Variants in TRIP12 observed in about 807,000 individuals in gnomAD.
TRIP12 encodes the protein thyroid hormone receptor interactor 12.
TRIP12 carries 25 observed loss-of-function variants against 244.2 expected under a neutral mutation model. The ratio of observed to expected loss-of-function variants is 0.10; its 90% CI spans 0.07 to 0.14. TRIP12 has a LOEUF of 0.14. Among genes scored for constraint, TRIP12 ranks in the 10% least tolerant of loss-of-function variants. The pLI is 1.00. For synonymous variants in TRIP12, 905 were observed against 873.1 expected (o/e 1.04, Z -0.64); for missense variants, 1,677 against 2,486.4 (o/e 0.67, Z 6.92).
At chr2:229,768,584 G>A in intron 41 of TRIP12, 32 bp downstream of exon 41, 1 of 1,598,666 alleles carries the variant, frequency 6.3e-7, no homozygotes, top group Non-Finnish European at 8.5e-7. Context: ...CCCATAGGTA[G>A]AATAAATGCT....
chr2:229,780,924 G>C (rs1194660497), intron 34 of TRIP12, among the ~76,000 whole-genome samples: 1 of 152,154 alleles, frequency 6.6e-6, no homozygotes, highest in Non-Finnish European at 1.5e-5. Context: ...GAGAAGCAAA[G>C]AAAAACCTGC....
rs374189526 is a variant in TRIP12, at chr2:229,774,082, GAC to G, written c.5694+13_5694+14del. 5.9e-4 allele frequency: 946 copies of G among 1,607,880 alleles called. 10 individuals carry two copies. The African/African-American group carries it at 0.011, about 19-fold the overall frequency. ...CTTCACAACTGGCCTACCCCCCAAA[GAC>G]ACAGTTACATACTCTTAGATACTCC... is the stretch of plus-strand genomic sequence containing the variant. On this transcript the variant is annotated intron_variant, in intron 38 of 41. Coordinates refer to ENST00000675903, the MANE Select transcript of TRIP12 (RefSeq NM_001348323.3).
chr2:229,834,128 A>G (rs2054151038), intron 6 of TRIP12, among the ~76,000 whole-genome samples: 1 of 152,244 alleles, frequency 6.6e-6, no homozygotes. Context: ...GTCTTAGCCT[A>G]TCTTCACAGT....
In TRIP12 at chr2:229,778,280, C is replaced by T. The variant is rs139747939; in HGVS notation, c.5364+153G>A. On this transcript the variant is annotated intron_variant, in intron 36 of 41. Transcript: ENST00000675903. This position sits in a 1 kb window ranked among gnomAD's most constrained non-coding sequence, Gnocchi z 4.1. ...TACCCCTGCCCTACTGAATCAGAAC[C>T]GGCATTTTTAACAAAATCCCCAAGT... is the stretch of plus-strand genomic sequence containing the variant. Among the ~76,000 whole-genome samples, 796 of 152,184 alleles carry T rather than the reference C, an allele frequency of 5.2e-3. 4 individuals carry two copies. The highest frequency in any genetic ancestry group is 0.018 in the African/African-American group (758 of 41,534).
At chr2:229,829,077 T>C in intron 8 of TRIP12, 116 bp downstream of exon 8, 1 of 853,204 alleles carries the variant, frequency 1.2e-6, no homozygotes, top group South Asian at 1.9e-5. Context: ...GCCTTATTTT[T>C]AAAAATGGGT....
At chr2:229,841,622 G>A (rs1196855115) in intron 4 of TRIP12, among the ~76,000 whole-genome samples, 1 of 152,148 alleles carries the variant, frequency 6.6e-6, no homozygotes, top group Admixed American at 6.5e-5. Context: ...AACCCTCACA[G>A]TGTTACCACA....
At chr2:229,868,487 GACACT>G (rs1448952319) in intron 2 of TRIP12, among the ~76,000 whole-genome samples, 1 of 152,148 alleles carries the variant, frequency 6.6e-6, no homozygotes, top group African/African-American at 2.4e-5. Context: ...ACAGGCATGA[GACACT>G]GCGCCCAACC....
intron 20 of TRIP12, 77 bp from the exon 21 acceptor site, chr2:229,802,536 A>T: frequency 3.7e-6 from 4 of 1,087,180 alleles, no homozygotes; most frequent in Non-Finnish European, 5.3e-6. Flanking sequence ...CAAAATCCCT[A>T]AATACCAACA....
chr2:229,763,841 A>G lies in TRIP12; in HGVS notation c.*3713T>C, dbSNP rs759564570. The G allele has an allele frequency of 1.3e-5, 2 of 152,252 alleles. No individual in the cohort carries two copies. Among genetic ancestry groups the G allele is most frequent in the Admixed American group, 1.3e-4 (2 of 15,284 alleles). The allele number at this position is 152,252 out of a possible 1,614,324, so 9.4% of individuals were successfully genotyped here. Reference sequence around the variant, plus strand: ...AATTTAATAAAACTGACCATGTAGGATAATGCTGTTTATTAAAAATATAGT... The same window carrying G: ...AATTTAATAAAACTGACCATGTAGGGTAATGCTGTTTATTAAAAATATAGT... On this transcript the variant is annotated 3_prime_UTR_variant, in exon 42 of 42. Transcript: ENST00000675903.
At position 229,765,262 on chromosome 2, in the gene TRIP12, CTAAGAAGTT is replaced by C. The variant is rs1200403998; in HGVS notation, c.*2283_*2291del. 1.3e-5 allele frequency: 2 copies of C among 152,096 alleles called. No homozygotes were observed. Among genetic ancestry groups the C allele is most frequent in the Non-Finnish European group, 2.9e-5 (2 of 68,032 alleles). The allele number at this position is 152,096 out of a possible 1,614,324, so 9.4% of individuals were successfully genotyped here. On this transcript the variant is annotated 3_prime_UTR_variant, in exon 42 of 42. Transcript: ENST00000675903. ...TACCCAACTAAGTGTTTAAAGTATA[CTAAGAAGTT>C]AGTGCTCGTTGATAGGATTACCAAG...
intron 3 of TRIP12, among the ~76,000 whole-genome samples, chr2:229,860,180 CG>C (rs1559927303): frequency 1.3e-5 from 2 of 152,078 alleles, no homozygotes; most frequent in African/African-American, 4.8e-5. Flanking sequence ...GGGAATCTTA[CG>C]GCTCTCCAAA....
At chr2:229,816,553 C>CAACTGTGATAAAAGATATT (rs1391001591) in intron 9 of TRIP12, among the ~76,000 whole-genome samples, 1 of 152,028 alleles carries the variant, frequency 6.6e-6, no homozygotes, top group Admixed American at 6.6e-5. Context: ...AAATAATATT[C>CAACTGTGATAAAAGATATT]AACTGTGATA....
intron 1 of TRIP12, among the ~76,000 whole-genome samples, chr2:229,897,162 G>C (rs1181673430): frequency 6.6e-6 from 1 of 152,130 alleles, no homozygotes; most frequent in Non-Finnish European, 1.5e-5. Context: ...GCATTAAAAG[G>C]CATTACCAGA....
chr2:229,848,263 C>T (rs2057979225), intron 4 of TRIP12, among the ~76,000 whole-genome samples: 2 of 151,832 alleles, frequency 1.3e-5, no homozygotes, highest in African/African-American at 4.8e-5. Flanking sequence ...ACCAGAATTA[C>T]CAGAATATGA....
rs2060278524 is a variant in TRIP12 at position 229,860,420 on chromosome 2, T to A, written c.210A>T (p.Gly70=). ...TGAAGATTTACCTTTTAGAAAGGTG[T>A]CCCCTTGACAGTTCAGAAGTAGTAT... ...QSNTTSELSR[G]HLSKRSCSSS... The change falls in exon 3 of 42, where the codon GGA becomes GGT. Residue 70 remains glycine (G), a synonymous_variant. Coordinates refer to ENST00000675903, the MANE Select transcript of TRIP12 (RefSeq NM_001348323.3). The A allele has an allele frequency of 8.2e-6, 13 of 1,592,616 alleles. No individual in the cohort carries two copies. In the East Asian group the frequency reaches 2.9e-4, roughly 36 times the overall value.
chr2:229,818,553 A>C, intron 8 of TRIP12, 41 bp from the exon 9 acceptor site: 1 of 1,568,588 alleles, frequency 6.4e-7, no homozygotes, highest in Non-Finnish European at 8.7e-7. Flanking sequence ...AACATTTAAG[A>C]AAATTATTAC....
intron 1 of TRIP12, among the ~76,000 whole-genome samples, chr2:229,903,482 G>A (rs779805824): frequency 3.9e-5 from 6 of 151,934 alleles, no homozygotes; most frequent in Non-Finnish European, 7.4e-5. Context: ...AGAAGATGAC[G>A]TTCCACGGAG....
chr2:229,890,704 A>G (rs752140469), intron 1 of TRIP12, among the ~76,000 whole-genome samples: 4 of 152,222 alleles, frequency 2.6e-5, no homozygotes, highest in Non-Finnish European at 2.9e-5. Flanking sequence ...CATGCATTTC[A>G]GAGTAATTAT....
Position 229,859,489 on chromosome 2 carries a change from G to T in TRIP12, c.310C>A (p.Gln104Lys). 6.2e-7 allele frequency: 1 copy of T among 1,614,132 alleles called. No homozygotes were observed. The highest frequency in any genetic ancestry group is 8.5e-7 in the Non-Finnish European group (1 of 1,180,036). Residue 104 changes from glutamine to lysine, a missense_variant, in exon 4 of 42, where the codon CAG becomes AAG. Coordinates refer to ENST00000675903, the MANE Select transcript of TRIP12 (RefSeq NM_001348323.3). The stretch of plus-strand genomic sequence containing the variant: ...CGAGAATTGTCTTTCTTAGGCACCT[G>T]CCCCGTTTTTTGTCTTTCTGAAGTA... ...ANTSERQKTG[Q>K]VPKKDNSRGV...
Sources: allele counts gnomAD v4.1 joint callset (sites outside exome capture counted in the v4.1 genomes callset), GRCh38; gene constraint gnomAD v4.1.1; non-coding constraint Gnocchi (gnomAD v3.1); transcripts MANE v1.5; gene names NCBI Gene and HGNC (gene_info 2026-07-23, HGNC 2026-07-21).